Variants in CNDP1 observed in about 807,000 individuals in gnomAD.
CNDP1 encodes carnosine dipeptidase 1.
In CNDP1, 44 loss-of-function variants were observed where a neutral mutation model predicts 58.1. That is an observed-to-expected ratio of 0.76 (90% CI 0.60 to 0.97). CNDP1 has a LOEUF of 0.97. CNDP1 is among the 50% of genes least tolerant of loss of function. The pLI, the probability that CNDP1 is intolerant of heterozygous loss-of-function variation, is 0.00. For missense variants in CNDP1, 616 were observed against 655.1 expected (o/e 0.94, Z 0.65); for synonymous variants, 254 against 252.6 (o/e 1.01, Z -0.05).
At chr18:74,567,946 G>C (rs1301358465) in intron 6 of CNDP1, among the ~76,000 whole-genome samples, 1 of 152,188 alleles carries the variant, frequency 6.6e-6, no homozygotes, top group Non-Finnish European at 1.5e-5. Flanking sequence ...GTTTCACCTT[G>C]AGCCTTGGTT....
intron 3 of CNDP1, among the ~76,000 whole-genome samples, chr18:74,560,018 T>TTTTTC (rs1981146907): frequency 6.7e-6 from 1 of 148,264 alleles, no homozygotes; most frequent in African/African-American, 2.5e-5. Flanking sequence ...TTCTTTTTTT[T>TTTTTC]TTTTTTTTTG....
rs916879207 is a variant in CNDP1, at chr18:74,585,053, G to A, written c.*491G>A. On this transcript the variant is annotated 3_prime_UTR_variant, in exon 12 of 12. Transcript: ENST00000358821. ...ATTTCCCCATGGATTCATTTTCAGA[G>A]GAGTTACTAAGGCATGGTACTATAT... The A allele has an allele frequency of 6.4e-6, 1 of 156,950 alleles. No individual in the cohort carries two copies. The highest frequency in any genetic ancestry group is 1.4e-5 in the Non-Finnish European group (1 of 70,606). The allele number at this position is 156,950 out of a possible 1,614,324, so 9.7% of individuals were successfully genotyped here.
intron 5 of CNDP1, 71 bp from the exon 6 acceptor site, chr18:74,567,162 G>A (rs1981349808): frequency 8.1e-7 from 1 of 1,233,938 alleles, no homozygotes; most frequent in Non-Finnish European, 1.2e-6. Flanking sequence ...AATTCAAGTT[G>A]AGATTTGGTG....
At chr18:74,558,659 G>T (rs1981106367) in intron 2 of CNDP1, among the ~76,000 whole-genome samples, 1 of 152,060 alleles carries the variant, frequency 6.6e-6, no homozygotes. Flanking sequence ...CTCCCAAAGT[G>T]CTGGGATTAC....
chr18:74,551,855 A>C (rs549609466), intron 1 of CNDP1, among the ~76,000 whole-genome samples: 108 of 151,998 alleles, frequency 7.1e-4, no homozygotes, highest in African/African-American at 2.2e-3. Flanking sequence ...AACTTGTCTG[A>C]AGGAAAAATA....
At chr18:74,555,380 C>T (rs1203687558) in intron 1 of CNDP1, among the ~76,000 whole-genome samples, 2 of 152,148 alleles carry the variant, frequency 1.3e-5, no homozygotes, top group African/African-American at 2.4e-5. Flanking sequence ...CCAGCCCTCG[C>T]TCCCTCCCTC....
At chr18:74,563,240 T>A (rs1981247321) in intron 5 of CNDP1, among the ~76,000 whole-genome samples, 1 of 152,086 alleles carries the variant, frequency 6.6e-6, no homozygotes, top group Non-Finnish European at 1.5e-5. Context: ...TCAGCACAGG[T>A]CTCAGCGGGC....
chr18:74,567,177 C>G, intron 5 of CNDP1, 56 bp from the exon 6 acceptor site: 1 of 1,399,980 alleles, frequency 7.1e-7, no homozygotes, highest in Non-Finnish European at 1.0e-6. Flanking sequence ...TTGGTGGGGA[C>G]ACAGCCAAAC....
intron 1 of CNDP1, among the ~76,000 whole-genome samples, chr18:74,552,832 T>A (rs1980943932): frequency 6.6e-6 from 1 of 151,194 alleles, no homozygotes. Context: ...GGTGACTCTA[T>A]GTTTAATTGA....
At position 74,583,006 on chromosome 18, in the gene CNDP1, G is replaced by A. The variant is rs547626208; in HGVS notation, c.1310-555G>A. ...CAAAATAAAATTTTTATTTACAATT[G>A]TATTTATTTATTTATTTAGAGACAG... On this transcript the variant is annotated intron_variant, in intron 10 of 11. Transcript: ENST00000358821. 2.0e-3 allele frequency among the ~76,000 whole-genome samples: 303 copies of A among 152,110 alleles called. 1 individual carries two copies. The highest frequency in any genetic ancestry group is 7.0e-3 in the African/African-American group (290 of 41,506).
In CNDP1 at chr18:74,559,340, G is replaced by A. The variant is rs749534171; in HGVS notation, c.171G>A (p.Val57=). 4 of 1,614,070 alleles carry A rather than the reference G, an allele frequency of 2.5e-6. No individual in the cohort carries two copies. Among genetic ancestry groups the A allele is most frequent in the Non-Finnish European group, 1.7e-6 (2 of 1,180,010 alleles). Residue 57 remains valine (V), a synonymous_variant, in exon 3 of 12, where the codon GTG becomes GTA. Coordinates refer to ENST00000358821, the MANE Select transcript of CNDP1 (RefSeq NM_032649.6). ...DEFVQTLKEW[V]AIESDSVQPV... is the part of the protein sequence containing the mutation. ...CCTCCTAGACGCTGAAGGAGTGGGT[G>A]GCCATCGAGAGCGACTCTGTCCAGC...
chr18:74,571,958 A>T (rs923563301), intron 7 of CNDP1, among the ~76,000 whole-genome samples: 5 of 152,092 alleles, frequency 3.3e-5, no homozygotes, highest in African/African-American at 1.2e-4. Flanking sequence ...CTGTTCACCT[A>T]GTATTGCTTT....
At chr18:74,544,230 C>A (rs988022514) in intron 1 of CNDP1, among the ~76,000 whole-genome samples, 4 of 152,030 alleles carry the variant, frequency 2.6e-5, no homozygotes, top group Non-Finnish European at 5.9e-5. Context: ...CCAGCCTGGG[C>A]AACAGAGGGA....
rs9960024 is a variant in CNDP1 at position 74,542,336 on chromosome 18, C to T, written c.24+7645C>T. On this transcript the variant is annotated intron_variant, in intron 1 of 11. Transcript: ENST00000358821. ...ACAAACATTTATGCCTTTTAAGGTG[C>T]ACTGAACAGAGCTTGTGGGCTTTTA... Among the ~76,000 whole-genome samples, 600 of 152,308 alleles carry T rather than the reference C, an allele frequency of 3.9e-3. 6 individuals are homozygous for T. Among genetic ancestry groups the T allele is most frequent in the South Asian group, 0.019 (93 of 4,828 alleles).
chr18:74,534,755 G>A (rs1000335909), intron 1 of CNDP1, 64 bp downstream of exon 1: 3 of 1,596,054 alleles, frequency 1.9e-6, no homozygotes, highest in African/African-American at 2.7e-5. Flanking sequence ...TGTCCCGGGA[G>A]CATGTGCGTT....
At chr18:74,557,837 C>A (rs145775523) in intron 2 of CNDP1, among the ~76,000 whole-genome samples, 10 of 152,314 alleles carry the variant, frequency 6.6e-5, no homozygotes, top group African/African-American at 2.2e-4. Flanking sequence ...GCCTACTGTT[C>A]CTAAATCTGA....
chr18:74,541,578 C>T (rs562197090), intron 1 of CNDP1, among the ~76,000 whole-genome samples: 7 of 152,272 alleles, frequency 4.6e-5, no homozygotes, highest in Non-Finnish European at 7.4e-5. Context: ...TATGCACATG[C>T]GGTTGGTTTA....
At chr18:74,561,845 A>T (rs1052198427) in intron 4 of CNDP1, among the ~76,000 whole-genome samples, 1 of 152,160 alleles carries the variant, frequency 6.6e-6, no homozygotes, top group Non-Finnish European at 1.5e-5. Context: ...ACTATTTGTC[A>T]GGGAAGAGAT....
chr18:74,554,955 G>A (rs776873193), intron 1 of CNDP1, among the ~76,000 whole-genome samples: 9 of 151,978 alleles, frequency 5.9e-5, no homozygotes, highest in Admixed American at 1.3e-4. Context: ...CAACATCGGC[G>A]GGGCCACACC....
Sources: allele counts gnomAD v4.1 joint callset (sites outside exome capture counted in the v4.1 genomes callset), GRCh38; gene constraint gnomAD v4.1.1; transcripts MANE v1.5; gene names NCBI Gene and HGNC (gene_info 2026-07-23, HGNC 2026-07-21).